The following PPFIA2 variants were observed in gnomAD, a reference collection of about 807,000 sequenced individuals.
PPFIA2 encodes the protein liprin-alpha-2.
PPFIA2 carries 46 observed loss-of-function variants against 175.5 expected under a neutral mutation model. That is an observed-to-expected ratio of 0.26 (90% confidence interval 0.21 to 0.34). PPFIA2 has a LOEUF of 0.34. Ranked by LOEUF, PPFIA2 falls within the 10% of genes least tolerant of loss-of-function variation. The pLI is 1.00. For synonymous variants in PPFIA2, 568 were observed against 511.4 expected (o/e 1.11, Z -1.49); for missense variants, 1,179 against 1,506.1 (o/e 0.78, Z 3.60).
At chr12:81,460,467 T>C (rs938715302) in intron 4 of PPFIA2, among the ~76,000 whole-genome samples, 1 of 152,060 alleles carries the variant, frequency 6.6e-6, no homozygotes, top group Non-Finnish European at 1.5e-5. Flanking sequence ...CAACTACAAT[T>C]ATCTTGCATG....
intron 4 of PPFIA2, among the ~76,000 whole-genome samples, chr12:81,657,954 C>T (rs1220968477): frequency 6.6e-6 from 1 of 152,032 alleles, no homozygotes; most frequent in African/African-American, 2.4e-5. Flanking sequence ...CATTTTTACA[C>T]TTGTTAATCA....
chr12:81,562,570 G>A (rs1361245467), intron 4 of PPFIA2, among the ~76,000 whole-genome samples: 3 of 152,002 alleles, frequency 2.0e-5, no homozygotes, highest in Non-Finnish European at 2.9e-5. Flanking sequence ...TGTTGAGGCC[G>A]GGCGCGGTGG....
intron 3 of PPFIA2, among the ~76,000 whole-genome samples, chr12:81,728,532 C>A (rs2080403106): frequency 6.6e-6 from 1 of 151,224 alleles, no homozygotes; most frequent in East Asian, 2.0e-4. Flanking sequence ...TTGCTATCCC[C>A]CTCTCCTTCT....
At chr12:81,589,689 T>C (rs1038401794) in intron 4 of PPFIA2, among the ~76,000 whole-genome samples, 3 of 152,144 alleles carry the variant, frequency 2.0e-5, no homozygotes, top group Non-Finnish European at 4.4e-5. Context: ...TTGTGTTTTA[T>C]AGCTCTGGAT....
At chr12:81,508,694 T>C (rs1293415402) in intron 4 of PPFIA2, among the ~76,000 whole-genome samples, 2 of 147,364 alleles carry the variant, frequency 1.4e-5, no homozygotes, top group Admixed American at 6.8e-5. Flanking sequence ...TACATGTGCC[T>C]TGCTGGTGCG....
chr12:81,749,127 T>C (rs2083425559), intron 3 of PPFIA2, among the ~76,000 whole-genome samples: 1 of 144,606 alleles, frequency 6.9e-6, no homozygotes, highest in South Asian at 2.2e-4. Context: ...AGCAAAGTTC[T>C]ATCTGCACAA....
At chr12:81,609,510 T>A (rs962867999) in intron 4 of PPFIA2, among the ~76,000 whole-genome samples, 2 of 152,160 alleles carry the variant, frequency 1.3e-5, no homozygotes, top group Non-Finnish European at 2.9e-5. Context: ...TCAACTGTAC[T>A]CATTAATATT....
intron 4 of PPFIA2, among the ~76,000 whole-genome samples, chr12:81,610,162 A>G (rs1174157155): frequency 6.6e-6 from 1 of 152,084 alleles, no homozygotes; most frequent in African/African-American, 2.4e-5. Context: ...TTACTTTTGT[A>G]CCTGACTTGA....
chr12:81,545,858 C>T (rs11114910), intron 4 of PPFIA2: 14,603 of 152,346 alleles, frequency 0.096, 893 homozygotes, highest in Middle Eastern at 0.19. Flanking sequence ...GGCGCCATGG[C>T]TCATGCCTGT....
intron 5 of PPFIA2, among the ~76,000 whole-genome samples, chr12:81,447,403 C>T (rs746827561): frequency 6.6e-6 from 1 of 152,132 alleles, no homozygotes; most frequent in African/African-American, 2.4e-5. Flanking sequence ...CTACTTTTAG[C>T]TCCTCAGTAT....
chr12:81,259,399 G>T lies in PPFIA2; in HGVS notation c.*295C>A. The T allele has an allele frequency of 1.6e-6, 1 of 643,406 alleles. No homozygotes were observed. The allele number at this position is 643,406 out of a possible 1,614,324, so 39.9% of individuals were successfully genotyped here. On this transcript the variant is annotated 3_prime_UTR_variant, in exon 33 of 33. Coordinates refer to ENST00000549396, the MANE Select transcript of PPFIA2 (RefSeq NM_003625.5). ...TTACAATAAAACATGAAAAACAACTGGCTTCATTTCATAAAAGCATCTGTT... is the reference window on the plus strand; with the variant it reads ...TTACAATAAAACATGAAAAACAACTTGCTTCATTTCATAAAAGCATCTGTT...
At chr12:81,660,400 G>A (rs760867964) in intron 4 of PPFIA2, among the ~76,000 whole-genome samples, 27 of 152,320 alleles carry the variant, frequency 1.8e-4, no homozygotes, top group East Asian at 3.9e-4. Context: ...CGTGACAAAT[G>A]CACAAGCTTC....
intron 4 of PPFIA2, among the ~76,000 whole-genome samples, chr12:81,493,774 A>C (rs201745326): frequency 7.3e-6 from 1 of 137,526 alleles, no homozygotes; most frequent in East Asian, 2.2e-4. Flanking sequence ...ATATATATAT[A>C]TATATATATA....
chr12:81,325,172 A>C (rs1412864124), intron 22 of PPFIA2, among the ~76,000 whole-genome samples: 1 of 152,122 alleles, frequency 6.6e-6, no homozygotes, highest in Non-Finnish European at 1.5e-5. Context: ...CATTTTGTCA[A>C]TGAAAATGTT....
At chr12:81,365,179 G>T (rs1414590148) in intron 14 of PPFIA2, among the ~76,000 whole-genome samples, 1 of 151,768 alleles carries the variant, frequency 6.6e-6, no homozygotes, top group Admixed American at 6.6e-5. Context: ...ACTTCAAATT[G>T]TAGAGATAAA....
In PPFIA2 at chr12:81,516,399, T is replaced by G. The variant is rs181307198; in HGVS notation, c.304-58533A>C. 1.8e-4 allele frequency among the ~76,000 whole-genome samples: 27 copies of G among 152,316 alleles called. No homozygotes were observed. The East Asian group carries it at 5.0e-3, about 28-fold the overall frequency. On this transcript the variant is annotated intron_variant, in intron 4 of 32. Coordinates refer to ENST00000549396, the MANE Select transcript of PPFIA2 (RefSeq NM_003625.5). ...TGATATATAAAATAAAATTTCACTT[T>G]GTTGTTATGGGTTGAGTTGTGTCCT... is the stretch of plus-strand genomic sequence containing the variant.
At chr12:81,471,107 C>CTTTATTTATTTATTTA (rs71098146) in intron 4 of PPFIA2, 2 of 140,492 alleles carry the variant, frequency 1.4e-5, no homozygotes, top group Non-Finnish European at 3.1e-5. Flanking sequence ...TTTGTCTTTC[C>CTTTATTTATTTATTTA]TTTATTTATT....
rs373385681 is a variant in PPFIA2 at position 81,295,009 on chromosome 12, G to A, written c.2751C>T (p.Tyr917=). Residue 917 remains tyrosine, a synonymous_variant, in exon 24 of 33, where the codon TAC becomes TAT. Transcript: ENST00000549396. ...LELWLGMPAW[Y]VAACRANVKS... ...TCACGTTGGCTCGGCAGGCTGCCAC[G>A]TACCACGCAGGCATTCCCAACCAAA... The A allele has an allele frequency of 6.2e-6, 10 of 1,613,396 alleles. No homozygotes were observed. Among genetic ancestry groups the A allele is most frequent in the African/African-American group, 1.3e-5 (1 of 74,912 alleles).
intron 7 of PPFIA2, among the ~76,000 whole-genome samples, chr12:81,435,756 C>T (rs2048869435): frequency 1.6e-5 from 2 of 126,992 alleles, no homozygotes; most frequent in South Asian, 4.4e-4. Context: ...CAATCTAAAT[C>T]TCTTCTCTTA....
Sources: gnomAD v4.1 joint callset for allele counts (sites outside exome capture counted in the v4.1 genomes callset) on GRCh38, gnomAD v4.1.1 for gene constraint, MANE v1.5 for transcripts, NCBI Gene and HGNC (gene_info 2026-07-23, HGNC 2026-07-21) for gene names.